GALNT16: variants seen among roughly 807,000 people sequenced by gnomAD.
GALNT16 encodes UDP-GalNAc:polypeptide N-acetylgalactosaminyltransferase-like protein 1.
GALNT16 carries 40 observed loss-of-function variants against 76.1 expected under a neutral mutation model. That is an observed-to-expected ratio of 0.53 (90% confidence interval 0.41 to 0.68). The LOEUF (loss-of-function observed/expected upper bound fraction) is 0.68. Among genes scored for constraint, GALNT16 ranks in the 30% least tolerant of loss-of-function variants. GALNT16 has a pLI of 0.00. For missense variants in GALNT16, 621 were observed against 731.9 expected (o/e 0.85, Z 1.75); for synonymous variants, 276 against 285.2 (o/e 0.97, Z 0.32).
chr14:69,327,548 C>T (rs2045301289), intron 5 of GALNT16, among the ~76,000 whole-genome samples: 1 of 152,154 alleles, frequency 6.6e-6, no homozygotes, highest in Non-Finnish European at 1.5e-5. Context: ...ATTTATGACT[C>T]GATGCTTTGT....
At chr14:69,330,785 T>G (rs192955924) in intron 6 of GALNT16, among the ~76,000 whole-genome samples, 1 of 152,320 alleles carries the variant, frequency 6.6e-6, no homozygotes, top group East Asian at 1.9e-4. Flanking sequence ...GATGAAGTTT[T>G]ACATGTGGTA....
chr14:69,319,733 C>T (rs901980941), intron 1 of GALNT16, among the ~76,000 whole-genome samples: 4 of 152,230 alleles, frequency 2.6e-5, no homozygotes, highest in African/African-American at 9.6e-5. Context: ...TGGCATCTGC[C>T]ATCCATCACT....
rs368116959 is a variant in GALNT16 at position 69,333,378 on chromosome 14, G to A, written c.864-119G>A. On this transcript the variant is annotated intron_variant, in intron 8 of 14. Transcript: ENST00000448469. This position sits in a 1 kb window ranked among gnomAD's most constrained non-coding sequence, Gnocchi z 4.2. ...GGCCAGGGAGCTGGCCAGACATCCTGCCCCAGTGACTCTGCAGGGAGGGAT... is the reference window on the plus strand; with the variant it reads ...GGCCAGGGAGCTGGCCAGACATCCTACCCCAGTGACTCTGCAGGGAGGGAT... 932 of 730,896 alleles carry A rather than the reference G, an allele frequency of 1.3e-3. 15 individuals are homozygous for A. In the South Asian group the frequency reaches 0.014, roughly 11 times the overall value. 45.3% of individuals were successfully genotyped at this position (730,896 alleles called of 1,614,324 possible). A position where few individuals can be genotyped will look rare whatever the true frequency, so the allele number is the denominator to read the frequency against.
intron 2 of GALNT16, 75 bp downstream of exon 2, chr14:69,320,943 C>A (rs972243643): frequency 1.5e-6 from 2 of 1,377,802 alleles, no homozygotes; most frequent in South Asian, 2.5e-5. Context: ...TCTTCTTTTA[C>A]GTGTATCTAA....
At chr14:69,278,586 A>G (rs12436823) in intron 1 of GALNT16, among the ~76,000 whole-genome samples, 29,277 of 152,134 alleles carry the variant, frequency 0.19, 3,713 homozygotes, top group East Asian at 0.62. Context: ...CTAGGATTTC[A>G]TTGTTGTCTA....
At chr14:69,331,759 C>T (rs747530421) in intron 7 of GALNT16, among the ~76,000 whole-genome samples, 112 of 152,226 alleles carry the variant, frequency 7.4e-4, no homozygotes, top group Non-Finnish European at 1.0e-3. Flanking sequence ...TTGCAGGCTT[C>T]TGATACAATC....
At chr14:69,296,764 A>AGATT (rs1314716228) in intron 1 of GALNT16, among the ~76,000 whole-genome samples, 4 of 132,894 alleles carry the variant, frequency 3.0e-5, no homozygotes, top group African/African-American at 1.2e-4. Context: ...ATAGATAGAT[A>AGATT]GATAGACAGA....
At chr14:69,267,447 G>A (rs189326978) in intron 1 of GALNT16, among the ~76,000 whole-genome samples, 58 of 152,326 alleles carry the variant, frequency 3.8e-4, no homozygotes, top group African/African-American at 1.3e-3. Flanking sequence ...GACCCATTAG[G>A]AACAACTTCA....
chr14:69,327,122 G>A (rs556602580), intron 5 of GALNT16, among the ~76,000 whole-genome samples: 4 of 152,234 alleles, frequency 2.6e-5, no homozygotes, highest in East Asian at 1.9e-4. Flanking sequence ...AGGCTGAGGC[G>A]GGCAGACCAC....
chr14:69,331,393 C>T (rs2045350443), intron 6 of GALNT16, 71 bp from the exon 7 acceptor site: 3 of 852,430 alleles, frequency 3.5e-6, no homozygotes, highest in Admixed American at 1.7e-5. Flanking sequence ...GCCTTCTCCC[C>T]AGAGCAGGCA....
At chr14:69,320,162 C>T (rs2045156638) in intron 1 of GALNT16, among the ~76,000 whole-genome samples, 2 of 152,240 alleles carry the variant, frequency 1.3e-5, no homozygotes, top group Admixed American at 1.3e-4. Context: ...AAATCCAGAC[C>T]TTGTGACTTA....
At chr14:69,351,774 G>C (rs1050209678) in intron 14 of GALNT16, 2 of 348,368 alleles carry the variant, frequency 5.7e-6, no homozygotes, top group South Asian at 9.8e-5. Flanking sequence ...TTAGCTGGGC[G>C]TGGTGGCATG....
Position 69,351,962 on chromosome 14 carries a change from A to G in GALNT16, c.1540-69A>G, listed in dbSNP as rs2045642051. The G allele has an allele frequency of 3.5e-6, 5 of 1,438,996 alleles. No homozygotes were observed. The East Asian group carries it at 1.1e-4, about 33-fold the overall frequency. The allele number at this position is 1,438,996 out of a possible 1,614,324, so 89.1% of individuals were successfully genotyped here. On this transcript the variant is annotated intron_variant, in intron 14 of 14. Transcript: ENST00000448469. ...GGCTGTGTGCATACATGTGGAATGA[A>G]AGTACAACATTATTTTTTTAAATCA...
At chr14:69,268,110 C>T (rs1364842028) in intron 1 of GALNT16, among the ~76,000 whole-genome samples, 3 of 152,120 alleles carry the variant, frequency 2.0e-5, no homozygotes, top group Non-Finnish European at 4.4e-5. Context: ...TACTAGAAGC[C>T]TAAGATATTT....
chr14:69,370,286 C>T, the GALNT16 span, among the ~76,000 whole-genome samples: 1 of 152,212 alleles, frequency 6.6e-6, no homozygotes, highest in Non-Finnish European at 1.5e-5. Context: ...ACAAGTCGTC[C>T]TCAACAAAGG....
intron 1 of GALNT16, among the ~76,000 whole-genome samples, chr14:69,294,784 A>G (rs1185331760): frequency 6.6e-6 from 1 of 152,086 alleles, no homozygotes; most frequent in African/African-American, 2.4e-5. Flanking sequence ...GAGTCTCATC[A>G]TGTTGCCCAG....
intron 1 of GALNT16, among the ~76,000 whole-genome samples, chr14:69,286,333 G>C (rs1047859861): frequency 2.1e-5 from 3 of 144,656 alleles, no homozygotes; most frequent in African/African-American, 7.8e-5. Context: ...ATGAAGTCTC[G>C]CTATTGTAGC....
At chr14:69,338,550 G>T in intron 9 of GALNT16, 101 bp from the exon 10 acceptor site, 2 of 1,522,718 alleles carry the variant, frequency 1.3e-6, no homozygotes, top group Non-Finnish European at 8.9e-7. Flanking sequence ...ACCCCAACAT[G>T]TACCTCCAGT....
chr14:69,363,840 G>T, the GALNT16 span, among the ~76,000 whole-genome samples: 3 of 152,176 alleles, frequency 2.0e-5, no homozygotes, highest in Non-Finnish European at 4.4e-5. Context: ...TGCAGATAGA[G>T]GAATCCTGTC....
Sources: gnomAD v4.1 joint callset for allele counts (sites outside exome capture counted in the v4.1 genomes callset) on GRCh38, gnomAD v4.1.1 for gene constraint, Gnocchi (gnomAD v3.1) non-coding constraint, MANE v1.5 for transcripts, NCBI Gene and HGNC (gene_info 2026-07-23, HGNC 2026-07-21) for gene names.